Variants in F5 observed in about 807,000 individuals in gnomAD.
F5 encodes the protein coagulation factor V.
Under a neutral mutation model 216.4 loss-of-function variants are expected in F5, and 138 were observed. The ratio of observed to expected loss-of-function variants is 0.64; its 90% CI spans 0.56 to 0.73. The LOEUF (loss-of-function observed/expected upper bound fraction) is 0.73, where lower values mean the gene tolerates loss of function less well. F5 is among the 30% of genes least tolerant of loss of function. The pLI is 0.00. For synonymous variants in F5, 916 were observed against 930.7 expected (o/e 0.98, Z 0.29); for missense variants, 2,403 against 2,674.0 (o/e 0.90, Z 2.24).
chr1:169,566,990 G>GTT (rs1660617176), intron 3 of F5, among the ~76,000 whole-genome samples: 1 of 151,956 alleles, frequency 6.6e-6, no homozygotes, highest in Non-Finnish European at 1.5e-5. Context: ...TTGGGTTGCT[G>GTT]TTAACAAAGT....
chr1:169,562,333 T>C (rs4656690), intron 3 of F5, among the ~76,000 whole-genome samples: 49,054 of 151,974 alleles, frequency 0.32, 10,521 homozygotes, highest in East Asian at 0.65. Context: ...TATATAATTT[T>C]CTATCCTTTA....
chr1:169,562,585 G>A (rs1022034256), intron 3 of F5, among the ~76,000 whole-genome samples: 1 of 151,646 alleles, frequency 6.6e-6, no homozygotes. Flanking sequence ...ATTGAGTATA[G>A]TTAGTGATGT....
Position 169,540,495 on chromosome 1 carries a change from T to C in F5, c.4595A>G (p.Gln1532Arg). The change falls in exon 13 of 25, where the codon CAG becomes CGG. Residue 1532 changes from glutamine (Q) to arginine (R), a missense_variant. By Grantham distance (43) the Gln-to-Arg change is conservative. Transcript: ENST00000367797. ...TTCAGCATAGTCATCTTCACTGCTC[T>C]GGACCTCTTCCTTTGGAATGATCTC... Reference protein sequence around the residue: ...YIEIIPKEEVQSSEDDYAEID... With the variant: ...YIEIIPKEEVRSSEDDYAEID... 6.2e-7 allele frequency: 1 copy of C among 1,614,012 alleles called. No individual in the cohort carries two copies. The highest frequency in any genetic ancestry group is 1.3e-5 in the African/African-American group (1 of 75,044).
At chr1:169,526,107 T>C (rs1341892821) in intron 17 of F5, 90 bp from the exon 18 acceptor site, 2 of 870,332 alleles carry the variant, frequency 2.3e-6, no homozygotes, top group Non-Finnish European at 3.8e-6. Context: ...AATTCCTGCT[T>C]CACAAGAGGC....
In F5 at chr1:169,513,715, A is replaced by C. The variant is rs544753372; in HGVS notation, c.*598T>G. Among the ~76,000 whole-genome samples the C allele has an allele frequency of 9.4e-4, 143 of 152,210 alleles. No homozygotes were observed. Among genetic ancestry groups the C allele is most frequent in the South Asian group, 4.1e-3 (20 of 4,828 alleles). ...TAATGACCACCAACCTTGAATATCA[A>C]TGTGTGCAGTCCTTAGGGAGACCAG... On this transcript the variant is annotated 3_prime_UTR_variant, in exon 25 of 25. Transcript: ENST00000367797.
At position 169,542,820 on chromosome 1, in the gene F5, G is replaced by A; in HGVS notation, c.2270C>T (p.Ala757Val). The part of the protein sequence containing the change: ...EEEEFNLTAL[A>V]LENGTEFVSS... ...AACGAATTCAGTGCCATTCTCCAGA[G>A]CTAGGGCAGTAAGATTGAACTCTTC... The change falls in exon 13 of 25, where the codon GCT becomes GTT. Residue 757 changes from alanine to valine, a missense_variant. This residue lies in a region of F5 where 1,425 missense variants were observed against 1,554.8 expected (regional missense o/e 0.92). Coordinates refer to ENST00000367797, the MANE Select transcript of F5 (RefSeq NM_000130.5). 6.2e-7 allele frequency: 1 copy of A among 1,614,124 alleles called. No homozygotes were observed. The highest frequency in any genetic ancestry group is 8.5e-7 in the Non-Finnish European group (1 of 1,179,998).
intron 6 of F5, 60 bp from the exon 7 acceptor site, chr1:169,555,407 A>G: frequency 6.6e-7 from 1 of 1,517,844 alleles, no homozygotes; most frequent in Non-Finnish European, 9.1e-7. Flanking sequence ...GTTGATTGAA[A>G]TGCATATCCT....
Position 169,529,649 on chromosome 1 carries a change from C to A in F5, c.5378G>T (p.Arg1793Ile), listed in dbSNP as rs1462705061. The A allele has an allele frequency of 3.1e-6, 5 of 1,613,706 alleles. No individual in the cohort carries two copies. The East Asian group carries it at 1.1e-4, about 36-fold the overall frequency. Residue 1793 changes from arginine to isoleucine, a missense_variant, in exon 16 of 25, where the codon AGA becomes ATA. Coordinates refer to ENST00000367797, the MANE Select transcript of F5 (RefSeq NM_000130.5). ...TTTTTTCATTTCTGAGGATGTGAGT[C>A]TCCAAGAACTTCGGGACTTCTTTTC... ...YYEKKSRSSW[R>I]LTSSEMKKSH... is the part of the protein sequence containing the mutation.
rs768745212 is a variant in F5, at chr1:169,542,019, T to G, written c.3071A>C (p.Gln1024Pro). 18 of 1,614,116 alleles carry G rather than the reference T, an allele frequency of 1.1e-5. No individual in the cohort carries two copies. The South Asian group carries it at 1.9e-4, about 17-fold the overall frequency. ...DGGKSRLKKSQFLIKTRKKKK... is the reference protein window; with the variant it reads ...DGGKSRLKKSPFLIKTRKKKK... ...CTTTTTTCGTGTCTTAATGAGAAAC[T>G]GGCTTTTCTTCAGTCTACTCTTTCC... The change falls in exon 13 of 25, where the codon CAG becomes CCG. Residue 1024 changes from glutamine (Q) to proline (P), a missense_variant. Transcript: ENST00000367797.
At chr1:169,581,573 G>C (rs533481815) in intron 2 of F5, among the ~76,000 whole-genome samples, 1 of 152,290 alleles carries the variant, frequency 6.6e-6, no homozygotes, top group Admixed American at 6.5e-5. Flanking sequence ...AAGGAGATCA[G>C]AAGAGGCAGG....
intron 10 of F5, among the ~76,000 whole-genome samples, chr1:169,547,344 G>C (rs1660034343): frequency 6.6e-6 from 1 of 152,302 alleles, no homozygotes; most frequent in African/African-American, 2.4e-5. Context: ...TGTCAAATGG[G>C]ATTTAATTGA....
chr1:169,586,478 C>T lies in F5; in HGVS notation c.-92G>A. ...ACCACACTCCGGGCTGTCCCAGCTG[C>T]AATGAGCTCTAGAGGCTGTGGGTGG... On this transcript the variant is annotated 5_prime_UTR_variant, in exon 1 of 25. Coordinates refer to ENST00000367797, the MANE Select transcript of F5 (RefSeq NM_000130.5). The T allele has an allele frequency of 6.6e-7, 1 of 1,522,514 alleles. No individual in the cohort carries two copies. The allele number at this position is 1,522,514 out of a possible 1,614,324, so 94.3% of individuals were successfully genotyped here. A position where few individuals can be genotyped will look rare whatever the true frequency, so the allele number is the denominator to read the frequency against.
In F5 at chr1:169,544,624, T is replaced by TTTA; in HGVS notation, c.1763-117_1763-116insTAA. On this transcript the variant is annotated intron_variant, in intron 11 of 24. Transcript: ENST00000367797. ...TTTGGTTGTGTCAAAGCAGTGATTA[T>TTTA]CCAAGATAAGCTTTATCTAGTCTAA... is the stretch of plus-strand genomic sequence containing the variant. 5.7e-6 allele frequency: 5 copies of TTTA among 871,670 alleles called. No individual in the cohort carries two copies. In the East Asian group the frequency reaches 7.9e-5, roughly 14 times the overall value. The allele number at this position is 871,670 out of a possible 1,614,324, so 54.0% of individuals were successfully genotyped here. A position where few individuals can be genotyped will look rare whatever the true frequency, so the allele number is the denominator to read the frequency against.
chr1:169,547,192 A>AAAC (rs956830939), intron 10 of F5, among the ~76,000 whole-genome samples: 1 of 152,058 alleles, frequency 6.6e-6, no homozygotes, highest in Non-Finnish European at 1.5e-5. Context: ...AACAAACAAA[A>AAAC]AACAACAACA....
intron 14 of F5, among the ~76,000 whole-genome samples, chr1:169,531,505 C>A (rs1194339049): frequency 6.6e-6 from 1 of 152,056 alleles, no homozygotes; most frequent in African/African-American, 2.4e-5. Flanking sequence ...AGGTAAGTTT[C>A]TTAGAGGAAA....
intron 2 of F5, among the ~76,000 whole-genome samples, chr1:169,573,001 A>G (rs1202827970): frequency 6.6e-6 from 1 of 151,242 alleles, no homozygotes; most frequent in African/African-American, 2.4e-5. Flanking sequence ...GCTGGAGTGC[A>G]GTGATGCAAT....
intron 14 of F5, among the ~76,000 whole-genome samples, chr1:169,534,867 C>A (rs1659670486): frequency 6.6e-6 from 1 of 152,050 alleles, no homozygotes. Flanking sequence ...AGACTGAAAT[C>A]ACGTCCTTTG....
intron 3 of F5, among the ~76,000 whole-genome samples, chr1:169,564,108 A>T (rs61805772): frequency 0.27 from 41,503 of 151,906 alleles, 6,014 homozygotes; most frequent in South Asian, 0.36. Flanking sequence ...TGACAATTCT[A>T]TCCAGTGCTC....
chr1:169,582,390 A>C lies in F5; in HGVS notation c.250+41T>G, dbSNP rs570518766. ...CATGTGAATGCCAAATTACCCATAG[A>C]AATTTATCTTTAAAATTAAAAAAGT... On this transcript the variant is annotated intron_variant, in intron 2 of 24. Coordinates refer to ENST00000367797, the MANE Select transcript of F5 (RefSeq NM_000130.5). 1.7e-4 allele frequency: 194 copies of C among 1,143,224 alleles called. 2 individuals carry two copies. In the South Asian group the frequency reaches 2.5e-3, roughly 15 times the overall value. 70.8% of individuals were successfully genotyped at this position (1,143,224 alleles called of 1,614,324 possible). A position where few individuals can be genotyped will look rare whatever the true frequency, so the allele number is the denominator to read the frequency against.
Sources: allele counts gnomAD v4.1 joint callset (sites outside exome capture counted in the v4.1 genomes callset), GRCh38; gene constraint gnomAD v4.1.1; regional missense constraint gnomAD v4.1.1; transcripts MANE v1.5; gene names NCBI Gene and HGNC (gene_info 2026-07-23, HGNC 2026-07-21).